The following PDE6A variants were observed in gnomAD, a reference collection of about 807,000 sequenced individuals.
PDE6A encodes the protein rod cGMP-specific 3',5'-cyclic phosphodiesterase subunit alpha.
A neutral mutation model predicts 106.3 loss-of-function variants in PDE6A; 84 were observed. The observed-to-expected ratio is 0.79, with a 90% CI of 0.66 to 0.95. The LOEUF is 0.95. Among genes scored for constraint, PDE6A ranks in the 40% least tolerant of loss-of-function variants. The pLI is 0.00. For synonymous variants in PDE6A, 394 were observed against 386.6 expected, an observed-to-expected ratio of 1.02 and a Z score of -0.23; for missense variants, 1,052 against 1,084.9, an observed-to-expected ratio of 0.97 and a Z score of 0.43.
chr5:149,919,898 G>A (rs1209892299), intron 5 of PDE6A, among the ~76,000 whole-genome samples: 2 of 152,178 alleles, frequency 1.3e-5, no homozygotes, highest in Non-Finnish European at 2.9e-5. Flanking sequence ...GAAGCAAGAT[G>A]TAGCTGACAC....
intron 13 of PDE6A, 102 bp from the exon 14 acceptor site, chr5:149,886,476 A>C: frequency 7.3e-6 from 6 of 820,376 alleles, no homozygotes; most frequent in African/African-American, 1.7e-5. Flanking sequence ...TAAAAAACTC[A>C]TGGGTCTGAT....
At chr5:149,895,158 A>G in intron 13 of PDE6A, 25 bp downstream of exon 13, 2 of 1,461,994 alleles carry the variant, frequency 1.4e-6, no homozygotes. Context: ...AGCCCACCCT[A>G]CCAGCCCCAC....
intron 4 of PDE6A, among the ~76,000 whole-genome samples, chr5:149,925,497 A>G (rs568470313): frequency 1.3e-5 from 2 of 152,290 alleles, no homozygotes; most frequent in South Asian, 4.1e-4. Flanking sequence ...ACTTGAGGTC[A>G]GGAGTTCGAG....
At chr5:149,930,889 C>T in intron 4 of PDE6A, 139 bp downstream of exon 4, 1 of 828,282 alleles carries the variant, frequency 1.2e-6, no homozygotes, top group East Asian at 2.5e-5. Context: ...TCAGTAGAGA[C>T]CTATGTAAGA....
At chr5:149,917,243 C>G (rs976256765) in intron 5 of PDE6A, among the ~76,000 whole-genome samples, 1 of 151,870 alleles carries the variant, frequency 6.6e-6, no homozygotes, top group Admixed American at 6.6e-5. Context: ...TATGCCTGCA[C>G]TCCCCTTTCT....
chr5:149,900,316 C>A (rs1334913294), intron 8 of PDE6A, among the ~76,000 whole-genome samples: 1 of 145,602 alleles, frequency 6.9e-6, no homozygotes, highest in Non-Finnish European at 1.5e-5. Flanking sequence ...GAGCTGAGAT[C>A]GTGCCACTGC....
intron 8 of PDE6A, among the ~76,000 whole-genome samples, chr5:149,902,352 C>G (rs1753008722): frequency 6.6e-6 from 1 of 152,184 alleles, no homozygotes; most frequent in South Asian, 2.1e-4. Flanking sequence ...CCTCTCCCCT[C>G]TGCCCTTCTC....
intron 4 of PDE6A, among the ~76,000 whole-genome samples, chr5:149,927,921 T>C (rs1437468905): frequency 4.6e-5 from 7 of 151,642 alleles, no homozygotes; most frequent in Non-Finnish European, 1.0e-4. Context: ...GGATCATCAA[T>C]ATCCCCATCT....
chr5:149,914,461 A>G (rs1200772604), intron 6 of PDE6A, among the ~76,000 whole-genome samples: 1 of 152,204 alleles, frequency 6.6e-6, no homozygotes, highest in African/African-American at 2.4e-5. Flanking sequence ...AAAGCTCTGC[A>G]CCAAGCTCCA....
rs1760096583 is a variant in PDE6A at position 149,860,548 on chromosome 5, C to A, written c.*347G>T. 4.7e-6 allele frequency: 1 copy of A among 211,070 alleles called. No homozygotes were observed. The allele number at this position is 211,070 out of a possible 1,614,324, so 13.1% of individuals were successfully genotyped here. ...GGATAAGGTATAAGCCAAGCTTGTT[C>A]AACCCACGGCCCGTGGGCCACATGC... On this transcript the variant is annotated 3_prime_UTR_variant, in exon 22 of 22. Coordinates refer to ENST00000255266, the MANE Select transcript of PDE6A (RefSeq NM_000440.3).
intron 17 of PDE6A, among the ~76,000 whole-genome samples, chr5:149,873,164 A>C (rs1760620874): frequency 6.6e-6 from 1 of 152,234 alleles, no homozygotes; most frequent in Non-Finnish European, 1.5e-5. Flanking sequence ...CACAATCATA[A>C]AATATAATTT....
intron 4 of PDE6A, among the ~76,000 whole-genome samples, chr5:149,927,641 T>G (rs1242341185): frequency 6.6e-6 from 1 of 151,868 alleles, no homozygotes; most frequent in African/African-American, 2.4e-5. Flanking sequence ...TTTTAAAAAC[T>G]TTGACTCTCT....
At chr5:149,879,902 G>C (rs1760866977) in intron 17 of PDE6A, among the ~76,000 whole-genome samples, 1 of 152,032 alleles carries the variant, frequency 6.6e-6, no homozygotes, top group Non-Finnish European at 1.5e-5. Flanking sequence ...TATAAGGAAT[G>C]AGATAGAGAT....
At chr5:149,903,727 T>G (rs757179959) in intron 7 of PDE6A, 32 bp from the exon 8 acceptor site, 1 of 1,583,096 alleles carries the variant, frequency 6.3e-7, no homozygotes, top group South Asian at 1.1e-5. Context: ...AATGAAGGTG[T>G]GATTAGGCCT....
intron 1 of PDE6A, among the ~76,000 whole-genome samples, chr5:149,939,052 T>C (rs1754260173): frequency 6.6e-6 from 1 of 152,188 alleles, no homozygotes; most frequent in South Asian, 2.1e-4. Flanking sequence ...GAAGGTTGCA[T>C]TCTGCCACTG....
intron 17 of PDE6A, 84 bp downstream of exon 17, chr5:149,883,345 T>C (rs1346888925): frequency 3.3e-6 from 3 of 901,666 alleles, no homozygotes; most frequent in Admixed American, 1.9e-5. Flanking sequence ...CCAAGGCTTG[T>C]TGAGGGCAGC....
intron 20 of PDE6A, among the ~76,000 whole-genome samples, chr5:149,865,110 C>T (rs1465702420): frequency 6.6e-6 from 1 of 152,000 alleles, no homozygotes; most frequent in Non-Finnish European, 1.5e-5. Context: ...TGTGGTGGCA[C>T]ATGCCTGAAG....
intron 3 of PDE6A, chr5:149,932,563 G>C (rs1003393702): frequency 5.4e-6 from 8 of 1,490,616 alleles, no homozygotes; most frequent in Non-Finnish European, 7.5e-6. Context: ...CCCTGTTCCA[G>C]GTTGGCGTTT....
intron 5 of PDE6A, among the ~76,000 whole-genome samples, chr5:149,918,773 G>A (rs1005542236): frequency 1.3e-5 from 2 of 151,578 alleles, no homozygotes; most frequent in South Asian, 2.1e-4. Flanking sequence ...CACCATGCCC[G>A]GCTACTTTTC....
Sources: gnomAD v4.1 joint callset for allele counts (sites outside exome capture counted in the v4.1 genomes callset) on GRCh38, gnomAD v4.1.1 for gene constraint, MANE v1.5 for transcripts, NCBI Gene and HGNC (gene_info 2026-07-23, HGNC 2026-07-21) for gene names.